PPFIA2: variants seen among roughly 807,000 people sequenced by gnomAD.
PPFIA2 encodes the protein liprin-alpha-2.
Under a neutral mutation model 175.5 loss-of-function variants are expected in PPFIA2, and 46 were observed. The ratio of observed to expected loss-of-function variants is 0.26; its 90% confidence interval spans 0.21 to 0.34. PPFIA2 has a LOEUF of 0.34. Among genes scored for constraint, PPFIA2 ranks in the 10% least tolerant of loss-of-function variants. PPFIA2 has a pLI of 1.00. For synonymous variants in PPFIA2, 568 were observed against 511.4 expected (o/e 1.11, Z -1.49); for missense variants, 1,179 against 1,506.1 (o/e 0.78, Z 3.60).
chr12:81,578,865 T>C (rs1298321593), intron 4 of PPFIA2, among the ~76,000 whole-genome samples: 1 of 151,824 alleles, frequency 6.6e-6, no homozygotes, highest in African/African-American at 2.4e-5. Context: ...TAAATGCCTG[T>C]ATAGTGATTG....
intron 4 of PPFIA2, among the ~76,000 whole-genome samples, chr12:81,459,731 A>G (rs1386307528): frequency 6.6e-6 from 1 of 152,130 alleles, no homozygotes; most frequent in Non-Finnish European, 1.5e-5. Flanking sequence ...TTTTATTATC[A>G]TGGCACTGAT....
intron 22 of PPFIA2, among the ~76,000 whole-genome samples, chr12:81,300,673 G>C (rs1477733369): frequency 6.6e-6 from 1 of 152,110 alleles, no homozygotes; most frequent in Non-Finnish European, 1.5e-5. Context: ...AGCGATACTC[G>C]TGCTCTGAAT....
At chr12:81,281,963 G>A (rs2042179175) in intron 26 of PPFIA2, among the ~76,000 whole-genome samples, 1 of 151,988 alleles carries the variant, frequency 6.6e-6, no homozygotes, top group African/African-American at 2.4e-5. Flanking sequence ...GGACATTGTT[G>A]TTACTTAGCA....
chr12:81,568,108 A>T (rs959140495), intron 4 of PPFIA2, among the ~76,000 whole-genome samples: 3 of 152,212 alleles, frequency 2.0e-5, no homozygotes, highest in Non-Finnish European at 4.4e-5. Flanking sequence ...AATTCATGTA[A>T]ACTTCCTCAA....
chr12:81,468,764 A>G (rs1566952795), intron 4 of PPFIA2, among the ~76,000 whole-genome samples: 1 of 152,196 alleles, frequency 6.6e-6, no homozygotes, highest in Non-Finnish European at 1.5e-5. Flanking sequence ...TGTAAAATCT[A>G]TTGAAACATA....
intron 3 of PPFIA2, among the ~76,000 whole-genome samples, chr12:81,727,158 T>C (rs927148809): frequency 1.3e-5 from 2 of 151,296 alleles, no homozygotes; most frequent in Non-Finnish European, 3.0e-5. Context: ...GAATTCTGGG[T>C]TCCTTCCATA....
chr12:81,662,006 A>G (rs1374629316), intron 4 of PPFIA2, among the ~76,000 whole-genome samples: 5 of 152,236 alleles, frequency 3.3e-5, no homozygotes, highest in Non-Finnish European at 5.9e-5. Flanking sequence ...ACCAACGAGA[A>G]CAAAGACACA....
At chr12:81,367,464 A>T (rs918239336) in intron 13 of PPFIA2, among the ~76,000 whole-genome samples, 4 of 151,698 alleles carry the variant, frequency 2.6e-5, no homozygotes, top group African/African-American at 9.7e-5. Flanking sequence ...CACATTTTAA[A>T]TCAGAAACTA....
At chr12:81,402,571 T>C (rs958072306) in intron 8 of PPFIA2, among the ~76,000 whole-genome samples, 4 of 152,116 alleles carry the variant, frequency 2.6e-5, no homozygotes, top group Non-Finnish European at 5.9e-5. Flanking sequence ...AAATGTGGTA[T>C]AGCTGAGCAC....
intron 4 of PPFIA2, among the ~76,000 whole-genome samples, chr12:81,492,013 T>A (rs1027378375): frequency 6.6e-6 from 1 of 152,058 alleles, no homozygotes; most frequent in East Asian, 1.9e-4. Context: ...TAGTACTTCA[T>A]TGAATACTTC....
At position 81,623,103 on chromosome 12, in the gene PPFIA2, T is replaced by C. The variant is rs540686914; in HGVS notation, c.303+53688A>G. On this transcript the variant is annotated intron_variant, in intron 4 of 32. Transcript: ENST00000549396. ...ATAACTATCTTGGGGAAAGAAGAAG[T>C]TGAAACAAAAAGCAGGCATAATAAT... 5.3e-4 allele frequency among the ~76,000 whole-genome samples: 81 copies of C among 152,136 alleles called. 1 individual carries two copies. Among genetic ancestry groups the C allele is most frequent in the Non-Finnish European group, 8.8e-5 (6 of 67,936 alleles).
intron 6 of PPFIA2, among the ~76,000 whole-genome samples, chr12:81,444,551 T>C (rs73356674): frequency 0.03 from 4,621 of 152,236 alleles, 226 homozygotes; most frequent in African/African-American, 0.1. Flanking sequence ...TGCCTCTCGT[T>C]GCTAAAATAA....
chr12:81,575,574 GGCTCT>G (rs2073364613), intron 4 of PPFIA2, among the ~76,000 whole-genome samples: 1 of 151,566 alleles, frequency 6.6e-6, no homozygotes, highest in Non-Finnish European at 1.5e-5. Flanking sequence ...AAGATATATG[GGCTCT>G]GCTCTCTGGA....
intron 7 of PPFIA2, among the ~76,000 whole-genome samples, chr12:81,439,185 C>CTCTA (rs1555383156): frequency 5.5e-5 from 8 of 145,058 alleles, no homozygotes; most frequent in African/African-American, 7.6e-5. Context: ...CTCTCTCTCT[C>CTCTA]TATATATATA....
At chr12:81,745,094 T>G (rs2082866611) in intron 3 of PPFIA2, among the ~76,000 whole-genome samples, 1 of 152,224 alleles carries the variant, frequency 6.6e-6, no homozygotes, top group Non-Finnish European at 1.5e-5. Flanking sequence ...AAACAAAATT[T>G]CAGACAGCCG....
intron 3 of PPFIA2, among the ~76,000 whole-genome samples, chr12:81,678,997 A>C (rs2153573147): frequency 6.6e-6 from 1 of 152,012 alleles, no homozygotes; most frequent in South Asian, 2.1e-4. Flanking sequence ...TCTTATTGTC[A>C]CTTAAGTAAA....
intron 3 of PPFIA2, among the ~76,000 whole-genome samples, chr12:81,725,501 AAGGAAACCAAAGAGTTCTC>A (rs1377717783): frequency 6.6e-6 from 1 of 150,912 alleles, no homozygotes; most frequent in Non-Finnish European, 1.5e-5. Flanking sequence ...AACCTATTAG[AAGGAAACCAAAGAGTTCTC>A]AGGAAAAAAT....
chr12:81,664,354 A>G, intron 4 of PPFIA2, among the ~76,000 whole-genome samples: 1 of 151,796 alleles, frequency 6.6e-6, no homozygotes, highest in Non-Finnish European at 1.5e-5. Context: ...AAAAAAACAA[A>G]AAACCCCATC....
At chr12:81,325,476 C>G (rs116858579) in intron 22 of PPFIA2, among the ~76,000 whole-genome samples, 1 of 152,170 alleles carries the variant, frequency 6.6e-6, no homozygotes, top group East Asian at 1.9e-4. Flanking sequence ...TCAAACCAAT[C>G]AGGTTTTAAT....
Sources: allele counts gnomAD v4.1 joint callset (sites outside exome capture counted in the v4.1 genomes callset), GRCh38; gene constraint gnomAD v4.1.1; transcripts MANE v1.5; gene names NCBI Gene and HGNC (gene_info 2026-07-23, HGNC 2026-07-21).